The following CADM3 variants were observed in gnomAD, a reference collection of about 807,000 sequenced individuals.
The protein encoded by CADM3 is cell adhesion molecule 3.
In CADM3, 11 loss-of-function variants were observed where a neutral mutation model predicts 44.9. The ratio of observed to expected loss-of-function variants is 0.25; its 90% CI spans 0.15 to 0.41. The LOEUF is 0.41. Ranked by LOEUF, CADM3 falls within the 10% of genes least tolerant of loss-of-function variation. The pLI is 1.00. For synonymous variants in CADM3, 207 were observed against 205.2 expected (o/e 1.01, Z -0.08); for missense variants, 426 against 512.0 (o/e 0.83, Z 1.62).
intron 1 of CADM3, among the ~76,000 whole-genome samples, chr1:159,172,117 G>A (rs1414613425): frequency 1.3e-5 from 2 of 152,090 alleles, no homozygotes; most frequent in Non-Finnish European, 2.9e-5. Flanking sequence ...GCTGATGTCC[G>A]TTAGGAGCAG....
At chr1:159,181,120 C>T (rs1413948739) in intron 1 of CADM3, among the ~76,000 whole-genome samples, 1 of 152,154 alleles carries the variant, frequency 6.6e-6, no homozygotes, top group Non-Finnish European at 1.5e-5. Flanking sequence ...TTCCAATGAG[C>T]TAAATTGAAT....
At chr1:159,192,799 C>T (rs1571020194) in intron 3 of CADM3, 69 bp downstream of exon 3, 2 of 1,497,846 alleles carry the variant, frequency 1.3e-6, no homozygotes, top group Non-Finnish European at 9.0e-7. Context: ...AGATGGGTCC[C>T]TGAAGCAGCT....
In CADM3 at chr1:159,171,859, T is replaced by TGAGG. The variant is rs775321620; in HGVS notation, c.88+12_88+15dup. 17 of 1,238,772 alleles carry TGAGG rather than the reference T, an allele frequency of 1.4e-5. No individual in the cohort carries two copies. Among genetic ancestry groups the TGAGG allele is most frequent in the Non-Finnish European group, 1.7e-5 (17 of 989,552 alleles). The allele number at this position is 1,238,772 out of a possible 1,614,324, so 76.7% of individuals were successfully genotyped here. ...GGCCAACCTCTCCCAGGACGGTGAG[T>TGAGG]GAGGGAGGGGGCGGCGCCTGGGGAG... On this transcript the variant is annotated splice_region_variant and intron_variant, in intron 1 of 8. Coordinates refer to ENST00000368125, the MANE Select transcript of CADM3 (RefSeq NM_001127173.3).
chr1:159,184,433 G>GTCA (rs1056382255), intron 1 of CADM3, among the ~76,000 whole-genome samples: 6 of 152,218 alleles, frequency 3.9e-5, no homozygotes, highest in Non-Finnish European at 5.9e-5. Flanking sequence ...GAAATGCTGA[G>GTCA]TCATCATCAT....
chr1:159,174,228 C>A (rs552719861), intron 1 of CADM3, among the ~76,000 whole-genome samples: 1 of 152,336 alleles, frequency 6.6e-6, no homozygotes, highest in Admixed American at 6.5e-5. Flanking sequence ...TATCTTCTGT[C>A]TTAAATTAAT....
At position 159,181,973 on chromosome 1, in the gene CADM3, C is replaced by A. The variant is rs927104683; in HGVS notation, c.89-9963C>A. 3.3e-5 allele frequency among the ~76,000 whole-genome samples: 5 copies of A among 152,050 alleles called. 1 individual carries two copies. Among genetic ancestry groups the A allele is most frequent in the Non-Finnish European group, 7.4e-5 (5 of 68,014 alleles). On this transcript the variant is annotated intron_variant, in intron 1 of 8. Coordinates refer to ENST00000368125, the MANE Select transcript of CADM3 (RefSeq NM_001127173.3). ...TCCTCTGCTTTTTTTCTTCTCTTCTCTTCTGGCCCCTGTCTCCTGCTTCAC... is the reference window on the plus strand; with the variant it reads ...TCCTCTGCTTTTTTTCTTCTCTTCTATTCTGGCCCCTGTCTCCTGCTTCAC...
chr1:159,179,798 C>G (rs1419419737), intron 1 of CADM3, among the ~76,000 whole-genome samples: 1 of 152,118 alleles, frequency 6.6e-6, no homozygotes, highest in African/African-American at 2.4e-5. Flanking sequence ...TTACCATCTG[C>G]TCCTAATCAT....
intron 1 of CADM3, among the ~76,000 whole-genome samples, chr1:159,191,102 T>A (rs532998054): frequency 6.6e-6 from 1 of 152,206 alleles, no homozygotes; most frequent in African/African-American, 2.4e-5. Context: ...AAGGCACAGT[T>A]GAGATTTAAA....
Position 159,201,245 on chromosome 1 carries a change from CA to C in CADM3, c.*329del, listed in dbSNP as rs1279960379. 1 of 164,360 alleles carries C rather than the reference CA, an allele frequency of 6.1e-6. No homozygotes were observed. The highest frequency in any genetic ancestry group is 1.3e-5 in the Non-Finnish European group (1 of 76,282). The allele number at this position is 164,360 out of a possible 1,614,324, so 10.2% of individuals were successfully genotyped here. A position where few individuals can be genotyped will look rare whatever the true frequency, so the allele number is the denominator to read the frequency against. ...GGCAGGAGCCCTGGGGTGAGAAAAG[CA>C]AAAAACAAACAAAAAACAAAACCCT... On this transcript the variant is annotated 3_prime_UTR_variant, in exon 9 of 9. Coordinates refer to ENST00000368125, the MANE Select transcript of CADM3 (RefSeq NM_001127173.3).
rs569795726 is a variant in CADM3, at chr1:159,184,294, A to G, written c.89-7642A>G. ...AACCATTCTAAAAGTGGGTCCCTTCAGTATTCTGGGCCGCAGCCCCCAATA... is the reference window on the plus strand; with the variant it reads ...AACCATTCTAAAAGTGGGTCCCTTCGGTATTCTGGGCCGCAGCCCCCAATA... On this transcript the variant is annotated intron_variant, in intron 1 of 8. Coordinates refer to ENST00000368125, the MANE Select transcript of CADM3 (RefSeq NM_001127173.3). Among the ~76,000 whole-genome samples, 11 of 152,358 alleles carry G rather than the reference A, an allele frequency of 7.2e-5. No homozygotes were observed. In the South Asian group the frequency reaches 2.3e-3, roughly 32 times the overall value.
intron 7 of CADM3, among the ~76,000 whole-genome samples, chr1:159,198,882 C>A (rs1320823175): frequency 6.6e-6 from 1 of 152,096 alleles, no homozygotes; most frequent in Non-Finnish European, 1.5e-5. Flanking sequence ...AGGACAGATG[C>A]TATATATTCA....
chr1:159,179,900 T>C (rs1480971988), intron 1 of CADM3, among the ~76,000 whole-genome samples: 1 of 147,272 alleles, frequency 6.8e-6, no homozygotes, highest in Non-Finnish European at 1.5e-5. Context: ...TCTTTCCAAA[T>C]ACATATTATA....
chr1:159,191,940 C>G lies in CADM3; in HGVS notation c.93C>G (p.Ser31Arg). 6.2e-7 allele frequency: 1 copy of G among 1,614,014 alleles called. No individual in the cohort carries two copies. The highest frequency in any genetic ancestry group is 8.5e-7 in the Non-Finnish European group (1 of 1,179,988). ...AACACTCTTCTACTCCTGCAGACAG[C>G]CAGCCCTGGACATCTGATGAAACAG... ...PGGANLSQDD[S>R]QPWTSDETVV... The change falls in exon 2 of 9, where the codon AGC (serine) becomes AGG (arginine). Residue 31 changes from serine to arginine, a missense_variant. Coordinates refer to ENST00000368125, the MANE Select transcript of CADM3 (RefSeq NM_001127173.3).
intron 1 of CADM3, among the ~76,000 whole-genome samples, chr1:159,178,934 G>A (rs999379868): frequency 6.6e-6 from 1 of 152,172 alleles, no homozygotes; most frequent in Non-Finnish European, 1.5e-5. Context: ...TAGTTGGAGA[G>A]GCAGGCTTCC....
chr1:159,197,082 T>G (rs561833626), intron 7 of CADM3, 22 bp downstream of exon 7: 3 of 1,607,354 alleles, frequency 1.9e-6, no homozygotes, highest in African/African-American at 2.7e-5. Context: ...TCAGTTCTCT[T>G]CCTCCAGAAT....
intron 7 of CADM3, 68 bp from the exon 8 acceptor site, chr1:159,199,683 C>T (rs549117954): frequency 1.9e-5 from 30 of 1,609,372 alleles, no homozygotes; most frequent in African/African-American, 4.0e-5. Context: ...CTATTCATGG[C>T]CAAGTTGGAA....
At chr1:159,198,884 A>G (rs750289186) in intron 7 of CADM3, among the ~76,000 whole-genome samples, 36 of 152,150 alleles carry the variant, frequency 2.4e-4, no homozygotes, top group Non-Finnish European at 3.2e-4. Flanking sequence ...GACAGATGCT[A>G]TATATTCAGT....
In CADM3 at chr1:159,189,857, A is replaced by G. The variant is rs137949054; in HGVS notation, c.89-2079A>G. The G allele has an allele frequency of 3.8e-4, 615 of 1,602,138 alleles. 7 individuals carry two copies. The East Asian group carries it at 0.013, about 33-fold the overall frequency. ...CTCCACAGTCTGGAGCAGCCCTGAC[A>G]TGCTGGCCAGTCAAGGTGAGAATCC... On this transcript the variant is annotated intron_variant, in intron 1 of 8. Transcript: ENST00000368125.
Position 159,192,718 on chromosome 1 carries a change from G to A in CADM3, c.370G>A (p.Val124Ile), listed in dbSNP as rs369946971. ...TMPVRTAKSL[V>I]TVLGIPQKPI... is the part of the protein sequence containing the mutation. ...GCCTGTGCGAACTGCCAAGTCCCTC[G>A]TCACTGTGCTAGGTGAGACTCCCAA... The change falls in exon 3 of 9, where the codon GTC becomes ATC. Residue 124 changes from valine to isoleucine, a missense_variant. By Grantham distance (29) the Val-to-Ile change is conservative. Transcript: ENST00000368125. The A allele has an allele frequency of 8.1e-6, 13 of 1,613,312 alleles. No individual in the cohort carries two copies. The highest frequency in any genetic ancestry group is 4.0e-5 in the African/African-American group (3 of 74,852).
Sources: allele counts gnomAD v4.1 joint callset (sites outside exome capture counted in the v4.1 genomes callset), GRCh38; gene constraint gnomAD v4.1.1; transcripts MANE v1.5; gene names NCBI Gene and HGNC (gene_info 2026-07-23, HGNC 2026-07-21).